Variants in HACD3 observed in about 807,000 individuals in gnomAD.
HACD3 encodes 3-hydroxyacyl-CoA dehydratase 3.
In HACD3, 30 loss-of-function variants were observed where a neutral mutation model predicts 55.2. The observed-to-expected ratio is 0.54, with a 90% CI of 0.41 to 0.74. The LOEUF is 0.74. HACD3 is among the 30% of genes least tolerant of loss of function. HACD3 has a pLI of 0.00. For missense variants in HACD3, 363 were observed against 440.1 expected (o/e 0.82, Z 1.57); for synonymous variants, 141 against 151.7 (o/e 0.93, Z 0.52).
intron 9 of HACD3, 47 bp downstream of exon 9, chr15:65,571,701 C>A: frequency 6.9e-7 from 1 of 1,441,412 alleles, no homozygotes; most frequent in Non-Finnish European, 9.7e-7. Context: ...CCAGGGGGTA[C>A]CCAGAGGCTG....
chr15:65,572,632 A>C (rs951920345), intron 10 of HACD3, among the ~76,000 whole-genome samples: 3 of 152,176 alleles, frequency 2.0e-5, no homozygotes, highest in Non-Finnish European at 4.4e-5. Flanking sequence ...AAACAATGTA[A>C]GGGGACAGGC....
intron 10 of HACD3, 100 bp downstream of exon 10, chr15:65,572,466 G>A (rs2141226598): frequency 2.3e-6 from 3 of 1,316,966 alleles, no homozygotes; most frequent in Admixed American, 3.0e-5. Flanking sequence ...AATTCTTTTG[G>A]GACAGAATTA....
At chr15:65,562,284 G>A (rs2072251202) in intron 5 of HACD3, among the ~76,000 whole-genome samples, 1 of 152,206 alleles carries the variant, frequency 6.6e-6, no homozygotes, top group South Asian at 2.1e-4. Context: ...TGGAATGAGG[G>A]TCTTAGGACC....
intron 1 of HACD3, 200 bp downstream of exon 1, chr15:65,530,918 G>A (rs914571794): frequency 3.6e-6 from 2 of 552,294 alleles, no homozygotes; most frequent in Non-Finnish European, 6.3e-6. Context: ...ACCCCCCGAG[G>A]GCTGCAGGAA....
intron 10 of HACD3, among the ~76,000 whole-genome samples, chr15:65,573,927 T>C (rs752495293): frequency 2.0e-5 from 3 of 152,194 alleles, no homozygotes; most frequent in Non-Finnish European, 2.9e-5. Flanking sequence ...AGCTCCTAAC[T>C]ATAAGGACTC....
rs929684722 is a variant in HACD3 at position 65,576,569 on chromosome 15, C to A, written c.*190C>A. 36 of 650,152 alleles carry A rather than the reference C, an allele frequency of 5.5e-5. No homozygotes were observed. In the East Asian group the frequency reaches 1.0e-3, roughly 18 times the overall value. The allele number at this position is 650,152 out of a possible 1,614,324, so 40.3% of individuals were successfully genotyped here. A position where few individuals can be genotyped will look rare whatever the true frequency, so the allele number is the denominator to read the frequency against. ...TTGTAGTACTTGCATGACATGGATTCCTGATATCTGATGAGAGGTTCATTC... is the reference window on the plus strand; with the variant it reads ...TTGTAGTACTTGCATGACATGGATTACTGATATCTGATGAGAGGTTCATTC... On this transcript the variant is annotated 3_prime_UTR_variant, in exon 11 of 11. Transcript: ENST00000261875.
intron 1 of HACD3, chr15:65,534,360 A>G (rs898141041): frequency 1.3e-5 from 2 of 152,268 alleles, no homozygotes; most frequent in African/African-American, 4.8e-5. Context: ...GCTAGTGACT[A>G]TGAGAGAACA....
intron 1 of HACD3, among the ~76,000 whole-genome samples, chr15:65,544,945 C>A (rs946264259): frequency 6.6e-6 from 1 of 151,438 alleles, no homozygotes; most frequent in Non-Finnish European, 1.5e-5. Flanking sequence ...TGCTTGAACC[C>A]GGGAGGCGGA....
At chr15:65,545,696 C>T (rs2072069445) in intron 1 of HACD3, among the ~76,000 whole-genome samples, 2 of 151,992 alleles carry the variant, frequency 1.3e-5, no homozygotes, top group Admixed American at 6.6e-5. Flanking sequence ...CCTTGTGATC[C>T]GCCCGCCTCG....
At chr15:65,532,766 T>C (rs2071915306) in intron 1 of HACD3, among the ~76,000 whole-genome samples, 1 of 152,194 alleles carries the variant, frequency 6.6e-6, no homozygotes, top group South Asian at 2.1e-4. Flanking sequence ...CAACTACCAT[T>C]AGTTTAAAAG....
intron 1 of HACD3, among the ~76,000 whole-genome samples, chr15:65,539,259 A>G (rs374083): frequency 0.94 from 133,067 of 141,532 alleles, 62,520 homozygotes; most frequent in Admixed American, 0.96. Context: ...TCACCGTGTC[A>G]CCCCAGGCTG....
chr15:65,568,064 A>G (rs749309207), intron 7 of HACD3, among the ~76,000 whole-genome samples: 2 of 151,792 alleles, frequency 1.3e-5, no homozygotes, highest in Non-Finnish European at 2.9e-5. Context: ...CTAGGAATAC[A>G]GGTGCCCATC....
intron 1 of HACD3, among the ~76,000 whole-genome samples, 200 bp from the exon 2 acceptor site, chr15:65,551,476 C>T (rs2072131995): frequency 6.6e-6 from 1 of 152,186 alleles, no homozygotes; most frequent in Admixed American, 6.5e-5. Flanking sequence ...TTGCAGGAGT[C>T]TGCAGTCTTA....
rs560058113 is a variant in HACD3 at position 65,556,876 on chromosome 15, T to C, written c.342T>C (p.Ser114=). The C allele has an allele frequency of 3.7e-6, 6 of 1,612,964 alleles. No homozygotes were observed. The African/African-American group carries it at 6.7e-5, about 18-fold the overall frequency. The change falls in exon 4 of 11, where the codon TCT becomes TCC. Residue 114 remains serine (S), a synonymous_variant. Coordinates refer to ENST00000261875, the MANE Select transcript of HACD3 (RefSeq NM_016395.4). ...ACTTTGATCGTTGGCTGGATGAATC[T>C]GATGCGGAAATGGAGCTCAGAGCTA... The part of the protein sequence containing the change: ...APDFDRWLDE[S]DAEMELRAKE...
rs2072346150 is a variant in HACD3 at position 65,571,413 on chromosome 15, T to C, written c.774-135T>C. The C allele has an allele frequency of 4.7e-6, 3 of 633,618 alleles. 1 individual carries two copies. The Admixed American group carries it at 8.1e-5, about 17-fold the overall frequency. The allele number at this position is 633,618 out of a possible 1,614,324, so 39.2% of individuals were successfully genotyped here. On this transcript the variant is annotated intron_variant, in intron 8 of 10. Transcript: ENST00000261875. ...AGTGTGGCAGGAGTTTATGGGTTGATAGCCAGCGTTATAATTCTGTTCTGA... is the reference window on the plus strand; with the variant it reads ...AGTGTGGCAGGAGTTTATGGGTTGACAGCCAGCGTTATAATTCTGTTCTGA...
chr15:65,562,823 A>G lies in HACD3; in HGVS notation c.471A>G (p.Gln157=), dbSNP rs769798380. ...KGYLFMYNLV[Q]FLGFSWIFVN... ...ACCTGTTTATGTATAATCTTGTGCA[A>G]TTCTTGGGATTCTCCTGGATCTTTG... Residue 157 remains glutamine (Q), a synonymous_variant, in exon 6 of 11, where the codon CAA becomes CAG. Transcript: ENST00000261875. The G allele has an allele frequency of 3.1e-6, 5 of 1,613,944 alleles. No homozygotes were observed. The highest frequency in any genetic ancestry group is 4.2e-6 in the Non-Finnish European group (5 of 1,179,876).
At position 65,537,947 on chromosome 15, in the gene HACD3, AAAAAAAAAAAAATATATATATAT is replaced by A. The variant is rs1301118207; in HGVS notation, c.87+7231_87+7253del. Among the ~76,000 whole-genome samples, 487 of 63,048 alleles carry A rather than the reference AAAAAAAAAAAAATATATATATAT, an allele frequency of 7.7e-3. 7 individuals carry two copies. The highest frequency in any genetic ancestry group is 0.016 in the South Asian group (26 of 1,622). The allele number at this position is 63,048 out of a possible 152,430, so 41.4% of individuals were successfully genotyped here. A position where few individuals can be genotyped will look rare whatever the true frequency, so the allele number is the denominator to read the frequency against. On this transcript the variant is annotated intron_variant, in intron 1 of 10. Transcript: ENST00000261875. Reference sequence around the variant, plus strand: ...GCCAACTTCTCAGAAAAAAAAAAAAAAAAAAAAAAAAATATATATATATATATATATATATATATATATATATA... The same window carrying A: ...GCCAACTTCTCAGAAAAAAAAAAAAAATATATATATATATATATATATATA...
In HACD3 at chr15:65,576,696, C is replaced by A. The variant is rs539617154; in HGVS notation, c.*317C>A. ...CCAGAGATTTTTTTTTCAAAAAGTG[C>A]TTTATCCCTACAATGTACTGACAGT... On this transcript the variant is annotated 3_prime_UTR_variant, in exon 11 of 11. Coordinates refer to ENST00000261875, the MANE Select transcript of HACD3 (RefSeq NM_016395.4). The A allele has an allele frequency of 3.3e-6, 1 of 302,664 alleles. No homozygotes were observed. Among genetic ancestry groups the A allele is most frequent in the African/African-American group, 2.2e-5 (1 of 45,504 alleles). The allele number at this position is 302,664 out of a possible 1,614,324, so 18.7% of individuals were successfully genotyped here.
intron 1 of HACD3, among the ~76,000 whole-genome samples, chr15:65,543,628 C>G (rs996318139): frequency 6.6e-6 from 1 of 152,188 alleles, no homozygotes; most frequent in Non-Finnish European, 1.5e-5. Flanking sequence ...TGAACATTGA[C>G]TATACCTCAG....
Sources: gnomAD v4.1 joint callset for allele counts (sites outside exome capture counted in the v4.1 genomes callset) on GRCh38, gnomAD v4.1.1 for gene constraint, MANE v1.5 for transcripts, NCBI Gene and HGNC (gene_info 2026-07-23, HGNC 2026-07-21) for gene names.